CLEC16A: variants seen among roughly 807,000 people sequenced by gnomAD.
The protein encoded by CLEC16A is protein CLEC16A.
In CLEC16A, 51 loss-of-function variants were observed where a neutral mutation model predicts 109.5. The ratio of observed to expected loss-of-function variants is 0.47; its 90% CI spans 0.37 to 0.59. The LOEUF is 0.59. CLEC16A is among the 20% of genes least tolerant of loss of function. CLEC16A has a pLI of 0.00. For missense variants in CLEC16A, 1,339 were observed against 1,394.0 expected (o/e 0.96, Z 0.63); for synonymous variants, 673 against 564.2 (o/e 1.19, Z -2.73).
intron 19 of CLEC16A, among the ~76,000 whole-genome samples, chr16:11,061,461 T>G (rs2048474945): frequency 6.6e-6 from 1 of 152,202 alleles, no homozygotes; most frequent in African/African-American, 2.4e-5. Flanking sequence ...GGATGAAGGC[T>G]TTGGAGGCTG....
intron 22 of CLEC16A, among the ~76,000 whole-genome samples, chr16:11,132,131 A>C (rs1324316780): frequency 2.0e-5 from 3 of 152,196 alleles, no homozygotes; most frequent in Non-Finnish European, 4.4e-5. Context: ...AGTGGCATTT[A>C]GAACCTTCCC....
chr16:11,056,291 T>C (rs1403459221), intron 18 of CLEC16A, among the ~76,000 whole-genome samples: 1 of 152,220 alleles, frequency 6.6e-6, no homozygotes, highest in Non-Finnish European at 1.5e-5. Context: ...TCGTGGGTCT[T>C]GCCTCTCAGC....
chr16:11,097,356 C>A (rs1220856253), intron 19 of CLEC16A, among the ~76,000 whole-genome samples: 1 of 152,202 alleles, frequency 6.6e-6, no homozygotes, highest in Non-Finnish European at 1.5e-5. Context: ...AGCTCCCTCG[C>A]CCTTGACAGG....
chr16:11,121,566 GT>G (rs1254767084), intron 20 of CLEC16A, among the ~76,000 whole-genome samples: 6 of 151,382 alleles, frequency 4.0e-5, no homozygotes, highest in South Asian at 2.1e-4. Flanking sequence ...GATTTTTTGG[GT>G]TTTTTTTTGT....
At chr16:10,981,040 A>C (rs1329307951) in intron 9 of CLEC16A, among the ~76,000 whole-genome samples, 1 of 152,166 alleles carries the variant, frequency 6.6e-6, no homozygotes, top group African/African-American at 2.4e-5. Context: ...TCTGGCCTGC[A>C]CGTGCTTCCA....
At chr16:11,030,453 T>A (rs558596473) in intron 13 of CLEC16A, among the ~76,000 whole-genome samples, 10 of 152,348 alleles carry the variant, frequency 6.6e-5, no homozygotes, top group African/African-American at 1.9e-4. Context: ...CTTTTTAGTT[T>A]TCACCATTCT....
intron 13 of CLEC16A, among the ~76,000 whole-genome samples, chr16:11,028,669 TATTTA>T (rs1484844286): frequency 1.3e-5 from 2 of 152,208 alleles, no homozygotes; most frequent in Admixed American, 6.5e-5. Context: ...CTCATTTTTG[TATTTA>T]ATTCTGTGAA....
At chr16:11,027,439 C>G (rs2046473962) in intron 13 of CLEC16A, 1 of 1,542,208 alleles carries the variant, frequency 6.5e-7, no homozygotes, top group African/African-American at 1.4e-5. Context: ...ACTTATGTGA[C>G]CTGGGGATTT....
At chr16:11,158,262 G>A (rs1270970866) in intron 22 of CLEC16A, among the ~76,000 whole-genome samples, 1 of 152,168 alleles carries the variant, frequency 6.6e-6, no homozygotes, top group Non-Finnish European at 1.5e-5. Flanking sequence ...CTGAGCCACA[G>A]CCTCGGAATG....
chr16:11,055,493 G>C lies in CLEC16A; in HGVS notation c.1995+3852G>C, dbSNP rs376337484. On this transcript the variant is annotated intron_variant, in intron 18 of 23. Coordinates refer to ENST00000409790, the MANE Select transcript of CLEC16A (RefSeq NM_015226.3). ...GCATAGTTAAGTGAGGGAGGGGCAG[G>C]AGCGCAGCTACAGGAGAGGATGGTG... is the stretch of plus-strand genomic sequence containing the variant. Among the ~76,000 whole-genome samples, 223 of 151,830 alleles carry C rather than the reference G, an allele frequency of 1.5e-3. 1 individual carries two copies. The highest frequency in any genetic ancestry group is 5.1e-3 in the African/African-American group (210 of 41,396).
intron 3 of CLEC16A, among the ~76,000 whole-genome samples, chr16:10,965,994 G>T (rs1243632327): frequency 6.6e-6 from 1 of 152,104 alleles, no homozygotes; most frequent in Non-Finnish European, 1.5e-5. Flanking sequence ...GTCACAGCAG[G>T]GCTCAGTAAG....
chr16:11,034,170 A>G (rs1055423302), intron 13 of CLEC16A, among the ~76,000 whole-genome samples: 6 of 152,226 alleles, frequency 3.9e-5, no homozygotes, highest in Admixed American at 3.9e-4. Flanking sequence ...AACTTGCACA[A>G]CGTCAGTTTG....
At chr16:11,056,856 C>G (rs2048237873) in intron 18 of CLEC16A, 2 of 152,156 alleles carry the variant, frequency 1.3e-5, no homozygotes, top group Non-Finnish European at 2.9e-5. Context: ...TGTGGTCTTG[C>G]TTTCATCCCT....
In CLEC16A at chr16:11,059,190, C is replaced by T. The variant is rs147709467; in HGVS notation, c.1996-1712C>T. Among the ~76,000 whole-genome samples, 831 of 152,280 alleles carry T rather than the reference C, an allele frequency of 5.5e-3. 4 individuals carry two copies. The highest frequency in any genetic ancestry group is 8.8e-3 in the Non-Finnish European group (598 of 68,032). ...AAGGTGCCCACAGTTCCTGCCACCCCGTAAGTGCTTAAAAAATAGAAGTTC... is the reference window on the plus strand; with the variant it reads ...AAGGTGCCCACAGTTCCTGCCACCCTGTAAGTGCTTAAAAAATAGAAGTTC... On this transcript the variant is annotated intron_variant, in intron 18 of 23. Transcript: ENST00000409790.
intron 11 of CLEC16A, among the ~76,000 whole-genome samples, chr16:11,006,936 A>T (rs991234514): frequency 6.7e-6 from 1 of 150,220 alleles, no homozygotes; most frequent in Admixed American, 6.6e-5. Flanking sequence ...ATTAAATACT[A>T]AAAAAAGAAG....
intron 10 of CLEC16A, among the ~76,000 whole-genome samples, chr16:10,988,622 C>T (rs966331373): frequency 6.6e-6 from 1 of 152,178 alleles, no homozygotes; most frequent in Non-Finnish European, 1.5e-5. Flanking sequence ...CTCTTTGCCT[C>T]AGTGGCTGGG....
At chr16:10,983,081 T>A in intron 10 of CLEC16A, 90 bp downstream of exon 10, 1 of 740,608 alleles carries the variant, frequency 1.4e-6, no homozygotes, top group Non-Finnish European at 2.4e-6. Context: ...AAACTAACAT[T>A]CTGAATATAT....
chr16:11,004,489 G>A (rs1266090167), intron 11 of CLEC16A, among the ~76,000 whole-genome samples: 1 of 152,064 alleles, frequency 6.6e-6, no homozygotes, highest in African/African-American at 2.4e-5. Context: ...CCTCCTCCTG[G>A]GCCTTGGGCT....
chr16:11,123,609 A>G, intron 20 of CLEC16A, 133 bp from the exon 21 acceptor site: 1 of 815,416 alleles, frequency 1.2e-6, no homozygotes, highest in Non-Finnish European at 2.0e-6. Context: ...TGGACTTGGG[A>G]GGCTGTCGAT....
Sources: allele counts gnomAD v4.1 joint callset (sites outside exome capture counted in the v4.1 genomes callset), GRCh38; gene constraint gnomAD v4.1.1; transcripts MANE v1.5; gene names NCBI Gene and HGNC (gene_info 2026-07-23, HGNC 2026-07-21).